The following GRM8 variants were observed in gnomAD, a reference collection of about 807,000 sequenced individuals.
GRM8 encodes the protein metabotropic glutamate receptor 8.
Under a neutral mutation model 87.2 loss-of-function variants are expected in GRM8, and 47 were observed. The ratio of observed to expected loss-of-function variants is 0.54; its 90% CI spans 0.43 to 0.69. GRM8 has a LOEUF of 0.69. GRM8 is among the 30% of genes least tolerant of loss of function. The pLI is 0.00. For synonymous variants in GRM8, 396 were observed against 404.5 expected (o/e 0.98, Z 0.25); for missense variants, 1,019 against 1,139.2 (o/e 0.89, Z 1.52).
Position 126,685,106 on chromosome 7 carries a change from C to T in GRM8, c.1358-75608G>A, listed in dbSNP as rs1002650912. Among the ~76,000 whole-genome samples, 3 of 152,196 alleles carry T rather than the reference C, an allele frequency of 2.0e-5. No homozygotes were observed. Among genetic ancestry groups the T allele is most frequent in the African/African-American group, 7.2e-5 (3 of 41,454 alleles). ...CCCACCTTCACGCAGCCGGGCAGTA[C>T]CCACTCCAGGCCCCGGCCCCGCTTG... On this transcript the variant is annotated intron_variant, in intron 7 of 10. Coordinates refer to ENST00000339582, the MANE Select transcript of GRM8 (RefSeq NM_000845.3). The surrounding 1 kb of genome is among the most constrained non-coding windows in gnomAD (Gnocchi z 4.2).
chr7:126,972,444 C>T lies in GRM8; in HGVS notation c.728-67761G>A, dbSNP rs76254706. On this transcript the variant is annotated intron_variant, in intron 3 of 10. Transcript: ENST00000339582. ...TTTTTTACACTGCCTTTTCTCTTCT[C>T]GGAATCAAATTTAGTTATCCTTTGG... is the stretch of plus-strand genomic sequence containing the variant. Among the ~76,000 whole-genome samples the T allele has an allele frequency of 3.3e-3, 498 of 152,176 alleles. 4 individuals are homozygous for T. Among genetic ancestry groups the T allele is most frequent in the African/African-American group, 0.011 (469 of 41,548 alleles).
At chr7:127,216,028 T>G (rs1475359251) in intron 2 of GRM8, among the ~76,000 whole-genome samples, 1 of 152,178 alleles carries the variant, frequency 6.6e-6, no homozygotes, top group East Asian at 1.9e-4. Flanking sequence ...TGCCAAAGGA[T>G]CAAATAATGC....
chr7:126,609,960 T>C lies in GRM8; in HGVS notation c.1358-462A>G, dbSNP rs570220829. Reference sequence around the variant, plus strand: ...GCTTTTTCCAAACTCTCTAAAGCAGTTAGAGAGCACCGTTCCTGTGCCTCT... The same window carrying C: ...GCTTTTTCCAAACTCTCTAAAGCAGCTAGAGAGCACCGTTCCTGTGCCTCT... On this transcript the variant is annotated intron_variant, in intron 7 of 10. Transcript: ENST00000339582. 3.9e-5 allele frequency among the ~76,000 whole-genome samples: 6 copies of C among 152,272 alleles called. No homozygotes were observed. In the South Asian group the frequency reaches 1.2e-3, roughly 32 times the overall value.
At chr7:127,210,454 G>A (rs1796148150) in intron 2 of GRM8, among the ~76,000 whole-genome samples, 1 of 152,196 alleles carries the variant, frequency 6.6e-6, no homozygotes, top group South Asian at 2.1e-4. Flanking sequence ...GAGCAGTGGT[G>A]TTGTAAGGGA....
intron 3 of GRM8, among the ~76,000 whole-genome samples, chr7:127,062,095 T>C (rs1028336608): frequency 1.4e-5 from 2 of 146,860 alleles, no homozygotes; most frequent in African/African-American, 5.1e-5. Flanking sequence ...AGTGAGCCGA[T>C]ATCGTGCCAC....
intron 8 of GRM8, among the ~76,000 whole-genome samples, chr7:126,602,774 A>G (rs2151080012): frequency 6.6e-6 from 1 of 151,722 alleles, no homozygotes; most frequent in Non-Finnish European, 1.5e-5. Flanking sequence ...GTCCAGGACC[A>G]GATGGATTCA....
At chr7:127,029,628 C>G (rs1205993397) in intron 3 of GRM8, among the ~76,000 whole-genome samples, 1 of 150,220 alleles carries the variant, frequency 6.7e-6, no homozygotes, top group Admixed American at 6.6e-5. Flanking sequence ...GGTTTAAAGT[C>G]TGTTTTATCA....
At chr7:126,904,449 G>C in intron 4 of GRM8, 99 bp downstream of exon 4, 1 of 1,152,570 alleles carries the variant, frequency 8.7e-7, no homozygotes, top group Non-Finnish European at 1.3e-6. Context: ...TCTGTTATTG[G>C]AAGGCAATTA....
At chr7:126,628,053 T>C (rs1014306657) in intron 7 of GRM8, among the ~76,000 whole-genome samples, 11 of 152,160 alleles carry the variant, frequency 7.2e-5, no homozygotes, top group South Asian at 4.1e-4. Flanking sequence ...TCTTTTCTTT[T>C]TTTTTGTTCG....
intron 3 of GRM8, among the ~76,000 whole-genome samples, chr7:127,074,823 A>G (rs1822094334): frequency 1.3e-5 from 2 of 152,106 alleles, no homozygotes; most frequent in South Asian, 4.1e-4. Context: ...TCCTCCTGCC[A>G]CAGCTGGATA....
At chr7:127,115,326 G>A (rs1010074521) in intron 2 of GRM8, among the ~76,000 whole-genome samples, 1 of 152,120 alleles carries the variant, frequency 6.6e-6, no homozygotes, top group African/African-American at 2.4e-5. Context: ...AATGTATGGA[G>A]AGCTGTGCAG....
chr7:127,005,745 A>G (rs1814223472), intron 3 of GRM8, among the ~76,000 whole-genome samples: 2 of 152,026 alleles, frequency 1.3e-5, no homozygotes, highest in South Asian at 4.1e-4. Context: ...CACCTAACAA[A>G]CTGAAACTCT....
chr7:126,571,915 T>C (rs1794723582), intron 8 of GRM8, among the ~76,000 whole-genome samples: 1 of 151,990 alleles, frequency 6.6e-6, no homozygotes, highest in African/African-American at 2.4e-5. Flanking sequence ...TAATTTTTTC[T>C]ATCTTTAGTA....
At chr7:126,846,064 C>T (rs1370083866) in intron 6 of GRM8, among the ~76,000 whole-genome samples, 2 of 151,834 alleles carry the variant, frequency 1.3e-5, no homozygotes, top group Non-Finnish European at 2.9e-5. Flanking sequence ...ATATATCTTT[C>T]ATAAAAATTC....
At chr7:126,891,955 G>A (rs1204437493) in intron 6 of GRM8, among the ~76,000 whole-genome samples, 1 of 141,408 alleles carries the variant, frequency 7.1e-6, no homozygotes, top group Middle Eastern at 3.6e-3. Flanking sequence ...TGCCACCCAA[G>A]GCACTGAGAT....
At chr7:126,441,521 T>A (rs930472438) in intron 10 of GRM8, among the ~76,000 whole-genome samples, 12 of 152,230 alleles carry the variant, frequency 7.9e-5, no homozygotes, top group Non-Finnish European at 1.6e-4. Context: ...TTTTTTCATG[T>A]AATTCTGGAA....
rs540883146 is a variant in GRM8 at position 127,077,484 on chromosome 7, T to C, written c.727+29012A>G. On this transcript the variant is annotated intron_variant, in intron 3 of 10. Transcript: ENST00000339582. ...GCTCCTTTTCTAACACAAGTTCTAG[T>C]TATAGCCTAGCTACTGGGGTGAAGG... Among the ~76,000 whole-genome samples, 4 of 152,322 alleles carry C rather than the reference T, an allele frequency of 2.6e-5. No homozygotes were observed. In the South Asian group the frequency reaches 8.3e-4, roughly 32 times the overall value.
chr7:127,166,690 T>G (rs1793473701), intron 2 of GRM8, among the ~76,000 whole-genome samples: 1 of 152,134 alleles, frequency 6.6e-6, no homozygotes, highest in Non-Finnish European at 1.5e-5. Context: ...TAACAAAAAC[T>G]CAATCTCATC....
intron 10 of GRM8, among the ~76,000 whole-genome samples, chr7:126,442,105 C>T (rs766973132): frequency 2.6e-5 from 4 of 151,926 alleles, no homozygotes; most frequent in South Asian, 4.1e-4. Flanking sequence ...CAGAATAGAT[C>T]GGGATGGAAC....
Sources: allele counts gnomAD v4.1 joint callset (sites outside exome capture counted in the v4.1 genomes callset), GRCh38; gene constraint gnomAD v4.1.1; non-coding constraint Gnocchi (gnomAD v3.1); transcripts MANE v1.5; gene names NCBI Gene and HGNC (gene_info 2026-07-23, HGNC 2026-07-21).